Variants in CEACAM1 observed in about 807,000 individuals in gnomAD.
CEACAM1 encodes cell adhesion molecule CEACAM1.
A neutral mutation model predicts 49.1 loss-of-function variants in CEACAM1; 31 were observed. The observed-to-expected ratio is 0.63, with a 90% CI of 0.47 to 0.85. The LOEUF (loss-of-function observed/expected upper bound fraction) is 0.85, where lower values mean the gene tolerates loss of function less well. Ranked by LOEUF, CEACAM1 falls within the 40% of genes least tolerant of loss-of-function variation. The pLI is 0.00. For missense variants in CEACAM1, 570 were observed against 645.3 expected, an observed-to-expected ratio of 0.88 and a Z score of 1.26; for synonymous variants, 244 against 247.8, an observed-to-expected ratio of 0.98 and a Z score of 0.14.
chr19:42,528,080 C>G lies in CEACAM1; in HGVS notation c.64+231G>C, dbSNP rs11670310. 2.0e-3 allele frequency among the ~76,000 whole-genome samples: 305 copies of G among 152,326 alleles called. 1 individual carries two copies. The Middle Eastern group carries it at 0.02, about 10-fold the overall frequency. The stretch of plus-strand genomic sequence containing the variant: ...TGTCAGCAGTTTTTGAAATTTATTG[C>G]TCATTGATGATTCAGTTGGAAAAGG... On this transcript the variant is annotated intron_variant, in intron 1 of 8. Coordinates refer to ENST00000161559, the MANE Select transcript of CEACAM1 (RefSeq NM_001712.5).
At chr19:42,511,907 C>CTT (rs202176004) in intron 6 of CEACAM1, among the ~76,000 whole-genome samples, 7 of 146,486 alleles carry the variant, frequency 4.8e-5, no homozygotes, top group Admixed American at 1.4e-4. Flanking sequence ...GGGGTAGATA[C>CTT]TTTTTTTTTT....
Position 42,521,475 on chromosome 19 carries a change from A to T in CEACAM1, c.750T>A (p.Arg250=). 1 of 1,614,140 alleles carries T rather than the reference A, an allele frequency of 6.2e-7. No homozygotes were observed. Among genetic ancestry groups the T allele is most frequent in the Non-Finnish European group, 8.5e-7 (1 of 1,180,018 alleles). Reference sequence around the variant, plus strand: ...AGGAGAGGCTGAGGTTTGCCCCTGGACGGTAATAGGTGTCTGAAGGGGAAA... The same window carrying T: ...AGGAGAGGCTGAGGTTTGCCCCTGGTCGGTAATAGGTGTCTGAAGGGGAAA... ...PTISPSDTYY[R]PGANLSLSCY... The change falls in exon 4 of 9, where the codon CGT becomes CGA. Residue 250 remains arginine (R), a synonymous_variant. Transcript: ENST00000161559.
chr19:42,516,248 A>G (rs897391713), intron 5 of CEACAM1, among the ~76,000 whole-genome samples: 3 of 152,180 alleles, frequency 2.0e-5, no homozygotes, highest in Non-Finnish European at 2.9e-5. Context: ...TGCAGAATAC[A>G]CTAACTTATA....
At chr19:42,523,351 C>A (rs1286629149) in intron 2 of CEACAM1, among the ~76,000 whole-genome samples, 1 of 152,220 alleles carries the variant, frequency 6.6e-6, no homozygotes, top group Non-Finnish European at 1.5e-5. Flanking sequence ...AGTCGTCAGG[C>A]AGCAGAACCA....
In CEACAM1 at chr19:42,528,399, C is replaced by T. The variant is rs756006500; in HGVS notation, c.-25G>A. ...TGGTGTCTCCTGCTGGCCCTGTCTT[C>T]ACCTGTGGAGGAGAGCTTGGGCTCC... On this transcript the variant is annotated 5_prime_UTR_variant, in exon 1 of 9. Transcript: ENST00000161559. 24 of 1,613,108 alleles carry T rather than the reference C, an allele frequency of 1.5e-5. No homozygotes were observed. In the South Asian group the frequency reaches 2.4e-4, roughly 16 times the overall value.
intron 8 of CEACAM1, among the ~76,000 whole-genome samples, chr19:42,509,559 C>A (rs545227787): frequency 1.3e-5 from 2 of 152,054 alleles, no homozygotes; most frequent in Non-Finnish European, 2.9e-5. Context: ...GGAACAAAAC[C>A]AAGCAATACT....
chr19:42,521,875 G>A (rs375125815), intron 3 of CEACAM1, 49 bp downstream of exon 3: 12 of 1,613,392 alleles, frequency 7.4e-6, no homozygotes, highest in Middle Eastern at 1.6e-4. Context: ...CTCTGGCTGC[G>A]TGGATTTGGG....
In CEACAM1 at chr19:42,527,115, G is replaced by A. The variant is rs77501817; in HGVS notation, c.350C>T (p.Thr117Ile). The stretch of plus-strand genomic sequence containing the variant: ...TATGACTTGTAGGGTGTAGAATCCT[G>A]TGTCATTCTGGGTGACGTTCTGGAT... ...LLIQNVTQND[T>I]GFYTLQVIKS... Residue 117 changes from threonine (T) to isoleucine (I), a missense_variant, in exon 2 of 9, where the codon ACA becomes ATA. By Grantham distance (89) the Thr-to-Ile change is moderately conservative. Transcript: ENST00000161559. 4,367 of 1,598,034 alleles carry A rather than the reference G, an allele frequency of 2.7e-3. No individual in the cohort carries two copies. The African/African-American group carries it at 0.05, about 18-fold the overall frequency.
At position 42,528,431 on chromosome 19, in the gene CEACAM1, G is replaced by T. The variant is rs75316232; in HGVS notation, c.-57C>A. On this transcript the variant is annotated 5_prime_UTR_variant, in exon 1 of 9. Coordinates refer to ENST00000161559, the MANE Select transcript of CEACAM1 (RefSeq NM_001712.5). ...GGAGGAGAGCTTGGGCTCCAGGAAC[G>T]CTTCGAGCACGGCTGCTCTGTCACC... The T allele has an allele frequency of 2.7e-5, 42 of 1,557,176 alleles. No individual in the cohort carries two copies. In the East Asian group the frequency reaches 9.2e-4, roughly 34 times the overall value.
chr19:42,515,679 T>G (rs1382682447), intron 5 of CEACAM1, among the ~76,000 whole-genome samples: 1 of 152,104 alleles, frequency 6.6e-6, no homozygotes, highest in Non-Finnish European at 1.5e-5. Flanking sequence ...AAAAAAGTTG[T>G]TCTTCAAAAA....
chr19:42,517,508 G>A (rs957091405), intron 5 of CEACAM1, among the ~76,000 whole-genome samples: 1 of 152,104 alleles, frequency 6.6e-6, no homozygotes, highest in African/African-American at 2.4e-5. Context: ...ATTAAAACAT[G>A]GGCAAAGGAC....
intron 5 of CEACAM1, among the ~76,000 whole-genome samples, chr19:42,513,675 A>G (rs2041518381): frequency 6.7e-6 from 1 of 150,294 alleles, no homozygotes; most frequent in African/African-American, 2.5e-5. Flanking sequence ...TCAGATCTGC[A>G]TCATGGTCTG....
intron 5 of CEACAM1, chr19:42,516,698 TGAAAAA>T (rs1369496353): frequency 5.2e-6 from 1 of 193,542 alleles, no homozygotes; most frequent in Non-Finnish European, 1.1e-5. Context: ...AAAGCAATCT[TGAAAAA>T]GAACAAAGTT....
intron 7 of CEACAM1, 37 bp from the exon 8 acceptor site, chr19:42,510,957 A>T: frequency 6.2e-7 from 1 of 1,608,642 alleles, no homozygotes; most frequent in Non-Finnish European, 8.5e-7. Flanking sequence ...ATCCATGGAA[A>T]TGCAAAGCTG....
rs749833449 is a variant in CEACAM1, at chr19:42,512,419, C to G, written c.1307G>C (p.Gly436Ala). Residue 436 changes from glycine to alanine, a missense_variant, in exon 6 of 9, where the codon GGA (glycine) becomes GCA (alanine). Transcript: ENST00000161559. Reference protein sequence around the residue: ...SPGAIAGIVIGVVALVALIAV... With the variant: ...SPGAIAGIVIAVVALVALIAV... ...TATCAGAGCAACCAGGGCCACTACT[C>G]CAATCACAATGCCAGCAATGGCCCC... is the stretch of plus-strand genomic sequence containing the variant. 23 of 1,614,146 alleles carry G rather than the reference C, an allele frequency of 1.4e-5. No individual in the cohort carries two copies. The highest frequency in any genetic ancestry group is 3.3e-5 in the South Asian group (3 of 91,080).
chr19:42,517,515 G>T (rs1190394366), intron 5 of CEACAM1, among the ~76,000 whole-genome samples: 1 of 152,092 alleles, frequency 6.6e-6, no homozygotes, highest in African/African-American at 2.4e-5. Flanking sequence ...CATGGGCAAA[G>T]GACTTGAATA....
Position 42,519,212 on chromosome 19 carries a change from G to A in CEACAM1, c.982C>T (p.Pro328Ser). 1 of 1,614,096 alleles carries A rather than the reference G, an allele frequency of 6.2e-7. No homozygotes were observed. Among genetic ancestry groups the A allele is most frequent in the Non-Finnish European group, 8.5e-7 (1 of 1,180,026 alleles). ...VTELSPVVAK[P>S]QIKASKTTVT... ...GTGGTCTTGCTGGCTTTGATTTGGG[G>A]CTTTGCTACTACTGGACTTAGCTCT... Residue 328 changes from proline to serine, a missense_variant, in exon 5 of 9, where the codon CCC becomes TCC. Coordinates refer to ENST00000161559, the MANE Select transcript of CEACAM1 (RefSeq NM_001712.5).
chr19:42,528,168 T>C, intron 1 of CEACAM1, 143 bp downstream of exon 1: 1 of 642,624 alleles, frequency 1.6e-6, no homozygotes, highest in Non-Finnish European at 2.7e-6. Context: ...CCTTTTATGA[T>C]CTCTATCCCT....
Position 42,509,230 on chromosome 19 carries a change from T to G in CEACAM1, c.1462-2A>C. 1 of 1,605,704 alleles carries G rather than the reference T, an allele frequency of 6.2e-7. No individual in the cohort carries two copies. The highest frequency in any genetic ancestry group is 1.3e-5 in the African/African-American group (1 of 74,878). ...GGTAGAATAAGTAACTTCATTCATCTGAAAAGCACAAATAATGATCAGTTA... is the reference window on the plus strand; with the variant it reads ...GGTAGAATAAGTAACTTCATTCATCGGAAAAGCACAAATAATGATCAGTTA... On this transcript the variant is annotated splice_acceptor_variant, in intron 8 of 8. Transcript: ENST00000161559. LOFTEE classifies it high-confidence loss of function.
Sources: allele counts gnomAD v4.1 joint callset (sites outside exome capture counted in the v4.1 genomes callset), GRCh38; gene constraint gnomAD v4.1.1; transcripts MANE v1.5; gene names NCBI Gene and HGNC (gene_info 2026-07-23, HGNC 2026-07-21).